The following LRRTM4 variants were observed in gnomAD, a reference collection of about 807,000 sequenced individuals.
LRRTM4 encodes leucine rich repeat transmembrane neuronal 4, also known as leucine-rich repeat transmembrane neuronal protein 4.
LRRTM4 carries 25 observed loss-of-function variants against 47.6 expected under a neutral mutation model. The ratio of observed to expected loss-of-function variants is 0.53; its 90% CI spans 0.38 to 0.73. The LOEUF is 0.73. Ranked by LOEUF, LRRTM4 falls within the 30% of genes least tolerant of loss-of-function variation. LRRTM4 has a pLI of 0.00. For missense variants in LRRTM4, 638 were observed against 713.4 expected (o/e 0.89, Z 1.20); for synonymous variants, 311 against 269.5 (o/e 1.15, Z -1.51).
chr2:77,094,789 G>A (rs1670762581), intron 3 of LRRTM4, among the ~76,000 whole-genome samples: 2 of 152,054 alleles, frequency 1.3e-5, no homozygotes, highest in South Asian at 4.1e-4. Context: ...ACTCAACATG[G>A]GATGAAAGAC....
rs553788266 is a variant in LRRTM4 at position 77,291,230 on chromosome 2, G to A, written c.1551+227088C>T. Among the ~76,000 whole-genome samples, 7 of 151,932 alleles carry A rather than the reference G, an allele frequency of 4.6e-5. No individual in the cohort carries two copies. In the South Asian group the frequency reaches 1.5e-3, roughly 32 times the overall value. On this transcript the variant is annotated intron_variant, in intron 3 of 3. Transcript: ENST00000409884. ...ATGTCTCTCTGGTATGCATCTTGGG[G>A]GTTAATAAAAATTGTAATAGAATTG... is the stretch of plus-strand genomic sequence containing the variant.
At chr2:77,345,996 A>AT (rs993733691) in intron 3 of LRRTM4, among the ~76,000 whole-genome samples, 14 of 151,966 alleles carry the variant, frequency 9.2e-5, no homozygotes, top group African/African-American at 2.2e-4. Context: ...ACAAACTAGT[A>AT]TTTTTTATAA....
intron 3 of LRRTM4, among the ~76,000 whole-genome samples, chr2:76,889,741 A>G (rs1467877550): frequency 6.6e-6 from 1 of 151,972 alleles, no homozygotes; most frequent in East Asian, 1.9e-4. Flanking sequence ...ATATAGCAGT[A>G]AAATTTTACT....
intron 3 of LRRTM4, among the ~76,000 whole-genome samples, chr2:76,870,362 G>A (rs917972119): frequency 5.9e-5 from 9 of 152,010 alleles, no homozygotes; most frequent in Non-Finnish European, 4.4e-5. Flanking sequence ...ATTCTTGTAC[G>A]GTTGAGTAAT....
chr2:77,219,702 C>T (rs1361293452), intron 3 of LRRTM4, among the ~76,000 whole-genome samples: 5 of 152,266 alleles, frequency 3.3e-5, no homozygotes, highest in African/African-American at 7.2e-5. Flanking sequence ...AGGATTCCCG[C>T]CATTCTTTTA....
At chr2:77,480,831 GAGAGAGAGA>G (rs1484238051) in intron 3 of LRRTM4, among the ~76,000 whole-genome samples, 1,145 of 54,560 alleles carry the variant, frequency 0.021, 7 homozygotes, top group South Asian at 0.032. Context: ...TGGAGAGAGA[GAGAGAGAGA>G]GAGAGAGAGA....
chr2:77,480,822 G>GTGGAGAGAGA (rs1222517611), intron 3 of LRRTM4, among the ~76,000 whole-genome samples: 57 of 74,514 alleles, frequency 7.6e-4, no homozygotes, highest in Admixed American at 9.5e-4. Flanking sequence ...GTGTGTGTGT[G>GTGGAGAGAGA]GAGAGAGAGA....
chr2:76,787,695 G>C (rs549241884), intron 3 of LRRTM4, among the ~76,000 whole-genome samples: 1 of 152,038 alleles, frequency 6.6e-6, no homozygotes, highest in African/African-American at 2.4e-5. Flanking sequence ...ACACTTATTC[G>C]GGTTGATTCT....
intron 3 of LRRTM4, among the ~76,000 whole-genome samples, chr2:77,015,800 G>C (rs1678044943): frequency 1.3e-5 from 2 of 152,110 alleles, no homozygotes; most frequent in South Asian, 4.1e-4. Flanking sequence ...TGCTTACCAA[G>C]GAGGATAAGA....
At chr2:76,986,419 G>T (rs953054778) in intron 3 of LRRTM4, among the ~76,000 whole-genome samples, 1 of 151,904 alleles carries the variant, frequency 6.6e-6, no homozygotes, top group Non-Finnish European at 1.5e-5. Context: ...AGCCCTCCCT[G>T]CATAGGTCAG....
chr2:76,928,573 G>A (rs1573326073), intron 3 of LRRTM4, among the ~76,000 whole-genome samples: 1 of 152,098 alleles, frequency 6.6e-6, no homozygotes, highest in Admixed American at 6.6e-5. Flanking sequence ...AAAGGCAGTC[G>A]TGCCTTAAAT....
intron 3 of LRRTM4, among the ~76,000 whole-genome samples, chr2:76,950,090 A>T (rs1308640312): frequency 1.3e-5 from 2 of 151,972 alleles, no homozygotes; most frequent in Non-Finnish European, 2.9e-5. Context: ...CAAATTATGA[A>T]AACAGTAGTG....
At chr2:77,223,647 T>G (rs7340313) in intron 3 of LRRTM4, among the ~76,000 whole-genome samples, 1 of 152,082 alleles carries the variant, frequency 6.6e-6, no homozygotes, top group Non-Finnish European at 1.5e-5. Flanking sequence ...GAATCCAACT[T>G]ACAAGGGATG....
At chr2:77,013,252 T>C (rs925922976) in intron 3 of LRRTM4, among the ~76,000 whole-genome samples, 4 of 152,186 alleles carry the variant, frequency 2.6e-5, no homozygotes, top group African/African-American at 9.6e-5. Flanking sequence ...GATTCCAGTT[T>C]GTTTTTCTGC....
intron 3 of LRRTM4, among the ~76,000 whole-genome samples, chr2:76,947,838 G>A (rs1322026009): frequency 1.3e-5 from 2 of 151,650 alleles, no homozygotes; most frequent in Non-Finnish European, 3.0e-5. Flanking sequence ...GAGGGAATAG[G>A]CACATTTACA....
intron 3 of LRRTM4, among the ~76,000 whole-genome samples, chr2:77,483,224 G>C (rs1677785174): frequency 6.7e-6 from 1 of 148,538 alleles, no homozygotes; most frequent in South Asian, 2.2e-4. Flanking sequence ...AACAATTTAT[G>C]TAAGATAAGT....
intron 3 of LRRTM4, among the ~76,000 whole-genome samples, chr2:76,980,002 G>A (rs1225321343): frequency 6.6e-6 from 1 of 152,014 alleles, no homozygotes; most frequent in African/African-American, 2.4e-5. Flanking sequence ...GCAGGGCTGA[G>A]GGGTAGCTCT....
chr2:76,815,751 CA>C (rs1238966707), intron 3 of LRRTM4, among the ~76,000 whole-genome samples: 8 of 151,808 alleles, frequency 5.3e-5, no homozygotes, highest in Non-Finnish European at 8.8e-5. Context: ...TTGCAGGTAA[CA>C]TAAAGTAAAT....
chr2:77,227,779 T>C (rs1674854294), intron 3 of LRRTM4, among the ~76,000 whole-genome samples: 1 of 152,118 alleles, frequency 6.6e-6, no homozygotes, highest in African/African-American at 2.4e-5. Flanking sequence ...GCAATAACTG[T>C]TATCTTTTTA....
Sources: allele counts gnomAD v4.1 joint callset (sites outside exome capture counted in the v4.1 genomes callset), GRCh38; gene constraint gnomAD v4.1.1; transcripts MANE v1.5; gene names NCBI Gene and HGNC (gene_info 2026-07-23, HGNC 2026-07-21).